UBR4: variants seen among roughly 807,000 people sequenced by gnomAD.
UBR4 encodes ubiquitin protein ligase E3 component n-recognin 4, also known as E3 ubiquitin-protein ligase UBR4.
In UBR4, 124 loss-of-function variants were observed where a neutral mutation model predicts 575.6. The ratio of observed to expected loss-of-function variants is 0.22; its 90% confidence interval spans 0.19 to 0.25. The LOEUF is 0.25. UBR4 is among the 10% of genes least tolerant of loss of function. The pLI, the probability that UBR4 is intolerant of heterozygous loss-of-function variation, is 1.00. For missense variants in UBR4, 4,818 were observed against 6,478.8 expected (o/e 0.74, Z 8.80); for synonymous variants, 2,455 against 2,473.7 (o/e 0.99, Z 0.22).
At chr1:19,196,794 T>C (rs934628539) in intron 8 of UBR4, among the ~76,000 whole-genome samples, 3 of 152,254 alleles carry the variant, frequency 2.0e-5, no homozygotes, top group Admixed American at 1.3e-4. Context: ...TTTAGCTTTA[T>C]GTGTTCTCTG....
intron 18 of UBR4, 22 bp downstream of exon 18, chr1:19,179,029 C>A: frequency 6.2e-7 from 1 of 1,607,808 alleles, no homozygotes; most frequent in Non-Finnish European, 8.5e-7. Flanking sequence ...TCTCTATAGG[C>A]CTTCTCTTAC....
chr1:19,207,569 C>T (rs1170551794), intron 1 of UBR4, among the ~76,000 whole-genome samples: 2 of 152,192 alleles, frequency 1.3e-5, no homozygotes, highest in African/African-American at 4.8e-5. Flanking sequence ...GCGTAGGTTG[C>T]AGTGAGGTAA....
intron 14 of UBR4, 152 bp from the exon 15 acceptor site, chr1:19,185,438 T>C (rs372032964): frequency 1.5e-6 from 1 of 686,932 alleles, no homozygotes. Flanking sequence ...TCAAAACTCA[T>C]CTAAATGCAT....
intron 11 of UBR4, among the ~76,000 whole-genome samples, chr1:19,190,274 C>G (rs1193537072): frequency 9.1e-6 from 1 of 110,460 alleles, no homozygotes; most frequent in African/African-American, 3.8e-5. Context: ...GCCTGGGCAA[C>G]AGAGCGAGAC....
At chr1:19,126,687 G>A in intron 63 of UBR4, 32 bp from the exon 64 acceptor site, 1 of 1,604,068 alleles carries the variant, frequency 6.2e-7, no homozygotes, top group Non-Finnish European at 8.5e-7. Flanking sequence ...GAGATGGGAA[G>A]AATGGCTTGT....
chr1:19,163,627 T>C, intron 34 of UBR4, 137 bp downstream of exon 34: 1 of 983,244 alleles, frequency 1.0e-6, no homozygotes, highest in Non-Finnish European at 1.6e-6. Context: ...ATATTTCCAG[T>C]CTTTGAGATT....
At chr1:19,199,025 A>G in intron 3 of UBR4, 97 bp from the exon 4 acceptor site, 2 of 1,440,284 alleles carry the variant, frequency 1.4e-6, no homozygotes, top group Non-Finnish European at 1.9e-6. Flanking sequence ...ACAGGGCCAA[A>G]TTTAGGTTCA....
At chr1:19,090,282 T>C (rs2077380935) in intron 97 of UBR4, among the ~76,000 whole-genome samples, 1 of 152,202 alleles carries the variant, frequency 6.6e-6, no homozygotes, top group Admixed American at 6.5e-5. Context: ...CTCACTTCAA[T>C]TACGATAAAA....
intron 53 of UBR4, among the ~76,000 whole-genome samples, chr1:19,145,291 C>T (rs1416337315): frequency 6.6e-6 from 1 of 152,094 alleles, no homozygotes; most frequent in East Asian, 1.9e-4. Flanking sequence ...TTAGGTTTAC[C>T]ACCCAAATGT....
At chr1:19,095,428 G>A (rs960164667) in intron 93 of UBR4, 117 bp downstream of exon 93, 1 of 994,756 alleles carries the variant, frequency 1.0e-6, no homozygotes, top group African/African-American at 1.6e-5. Flanking sequence ...GTCAGCCAGA[G>A]AGATGAAGGG....
At position 19,203,383 on chromosome 1, in the gene UBR4, C is replaced by T. The variant is rs534166166; in HGVS notation, c.177-1568G>A. 4.6e-5 allele frequency among the ~76,000 whole-genome samples: 7 copies of T among 152,152 alleles called. No individual in the cohort carries two copies. The East Asian group carries it at 1.4e-3, about 29-fold the overall frequency. On this transcript the variant is annotated intron_variant, in intron 1 of 105. Transcript: ENST00000375254. The stretch of plus-strand genomic sequence containing the variant: ...AGGTGTGGTGGCACCCACCTGTAGT[C>T]CCAGCTACTCACGAGGCTGAGGCAC...
chr1:19,132,956 C>T (rs190721415), intron 60 of UBR4, among the ~76,000 whole-genome samples: 349 of 152,226 alleles, frequency 2.3e-3, no homozygotes, highest in African/African-American at 7.4e-3. Context: ...AAAGAATACA[C>T]CTAATTTTAA....
rs528655766 is a variant in UBR4, at chr1:19,200,687, C to T, written c.275-933G>A. 2.0e-5 allele frequency among the ~76,000 whole-genome samples: 3 copies of T among 152,274 alleles called. No homozygotes were observed. The South Asian group carries it at 6.2e-4, about 32-fold the overall frequency. On this transcript the variant is annotated intron_variant, in intron 2 of 105. Coordinates refer to ENST00000375254, the MANE Select transcript of UBR4 (RefSeq NM_020765.3). ...TTAAAAAAATAAAATGACTTCCTTA[C>T]ATAAAGTTTCTCCAAGCTAAAACTG...
rs111355564 is a variant in UBR4, at chr1:19,193,765, G to A, written c.1019-208C>T. Reference sequence around the variant, plus strand: ...ATCCAAATAAGCTGAAAACTTACACGCGCGCACACACACACACACTACACA... The same window carrying A: ...ATCCAAATAAGCTGAAAACTTACACACGCGCACACACACACACACTACACA... On this transcript the variant is annotated intron_variant, in intron 8 of 105. Coordinates refer to ENST00000375254, the MANE Select transcript of UBR4 (RefSeq NM_020765.3). Among the ~76,000 whole-genome samples, 689 of 151,948 alleles carry A rather than the reference G, an allele frequency of 4.5e-3. 5 individuals carry two copies. The highest frequency in any genetic ancestry group is 0.017 in the Middle Eastern group (5 of 294).
Position 19,110,870 on chromosome 1 carries a change from A to G in UBR4, c.11802-38T>C, listed in dbSNP as rs1012556705. The G allele has an allele frequency of 1.9e-6, 3 of 1,595,654 alleles. No individual in the cohort carries two copies. The highest frequency in any genetic ancestry group is 2.6e-6 in the Non-Finnish European group (3 of 1,166,582). On this transcript the variant is annotated intron_variant, in intron 78 of 105. Coordinates refer to ENST00000375254, the MANE Select transcript of UBR4 (RefSeq NM_020765.3). This position sits in a 1 kb window ranked among gnomAD's most constrained non-coding sequence, Gnocchi z 4.5. Reference sequence around the variant, plus strand: ...ATAGAAATGGAGTCCTATAATTCACAATCAGGTGTGACACTCCTTTCCACC... The same window carrying G: ...ATAGAAATGGAGTCCTATAATTCACGATCAGGTGTGACACTCCTTTCCACC...
At chr1:19,154,369 T>C (rs1230296971) in intron 44 of UBR4, among the ~76,000 whole-genome samples, 1 of 152,202 alleles carries the variant, frequency 6.6e-6, no homozygotes, top group East Asian at 1.9e-4. Context: ...CTACAATGGG[T>C]CATCAATGGC....
In UBR4 at chr1:19,096,398, C is replaced by T. The variant is rs552804416; in HGVS notation, c.13518+125G>A. On this transcript the variant is annotated intron_variant, in intron 92 of 105. Coordinates refer to ENST00000375254, the MANE Select transcript of UBR4 (RefSeq NM_020765.3). ...CTAACTGCCAGGTCCTTCACTGGCT[C>T]GCACTGCTCCACGGCACCATGCTGC... is the stretch of plus-strand genomic sequence containing the variant. 7.4e-4 allele frequency: 1,075 copies of T among 1,454,180 alleles called. 2 individuals carry two copies. The highest frequency in any genetic ancestry group is 8.8e-4 in the Non-Finnish European group (970 of 1,096,384). 90.1% of individuals were successfully genotyped at this position (1,454,180 alleles called of 1,614,324 possible).
At chr1:19,116,553 C>G (rs1298546388) in intron 73 of UBR4, among the ~76,000 whole-genome samples, 1 of 152,174 alleles carries the variant, frequency 6.6e-6, no homozygotes, top group Admixed American at 6.5e-5. Context: ...GTGTGCAGAA[C>G]AGCTCTGTAA....
At chr1:19,182,738 A>C (rs1283446081) in intron 17 of UBR4, among the ~76,000 whole-genome samples, 1 of 152,208 alleles carries the variant, frequency 6.6e-6, no homozygotes, top group Admixed American at 6.5e-5. Context: ...TCCAAACAAG[A>C]ACTATAGAAA....
Sources: allele counts gnomAD v4.1 joint callset (sites outside exome capture counted in the v4.1 genomes callset), GRCh38; gene constraint gnomAD v4.1.1; non-coding constraint Gnocchi (gnomAD v3.1); transcripts MANE v1.5; gene names NCBI Gene and HGNC (gene_info 2026-07-23, HGNC 2026-07-21).